The following PLCB1 variants were observed in gnomAD, a reference collection of about 807,000 sequenced individuals.
The protein encoded by PLCB1 is 1-phosphatidylinositol 4,5-bisphosphate phosphodiesterase beta-1.
Under a neutral mutation model 161.8 loss-of-function variants are expected in PLCB1, and 46 were observed. That is an observed-to-expected ratio of 0.28 (90% confidence interval 0.22 to 0.36). PLCB1 has a LOEUF of 0.36. Ranked by LOEUF, PLCB1 falls within the 10% of genes least tolerant of loss-of-function variation. The pLI, the probability that PLCB1 is intolerant of heterozygous loss-of-function variation, is 1.00. For missense variants in PLCB1, 1,016 were observed against 1,472.5 expected, an observed-to-expected ratio of 0.69 and a Z score of 5.07; for synonymous variants, 517 against 503.7, an observed-to-expected ratio of 1.03 and a Z score of -0.35.
intron 7 of PLCB1, chr20:8,653,608 A>C (rs896896524): frequency 1.3e-5 from 2 of 152,020 alleles, no homozygotes; most frequent in Non-Finnish European, 2.9e-5. Context: ...GACTTTATTC[A>C]TTAGAGTCTG....
intron 2 of PLCB1, among the ~76,000 whole-genome samples, chr20:8,168,012 T>C (rs549048532): frequency 6.6e-6 from 1 of 152,282 alleles, no homozygotes; most frequent in East Asian, 1.9e-4. Flanking sequence ...CTGACTTGTA[T>C]CTGTCCCATG....
intron 3 of PLCB1, among the ~76,000 whole-genome samples, chr20:8,535,400 G>T (rs1411934335): frequency 6.6e-6 from 1 of 151,984 alleles, no homozygotes; most frequent in Non-Finnish European, 1.5e-5. Flanking sequence ...GAAAATTTAG[G>T]AGTATACATT....
intron 6 of PLCB1, among the ~76,000 whole-genome samples, chr20:8,649,036 C>T (rs1989241796): frequency 6.6e-6 from 1 of 151,586 alleles, no homozygotes; most frequent in Non-Finnish European, 1.5e-5. Context: ...CAATGTACAC[C>T]TTGGGGCAAT....
At chr20:8,514,854 T>G (rs1015690467) in intron 3 of PLCB1, among the ~76,000 whole-genome samples, 5 of 152,216 alleles carry the variant, frequency 3.3e-5, no homozygotes, top group African/African-American at 1.2e-4. Flanking sequence ...CTTCTGAAAC[T>G]TTAATAGTCA....
chr20:8,577,177 C>G (rs528181967), intron 3 of PLCB1, among the ~76,000 whole-genome samples: 4 of 152,172 alleles, frequency 2.6e-5, no homozygotes, highest in Admixed American at 2.6e-4. Flanking sequence ...AGCCTGTAAT[C>G]CCAGCACTTT....
intron 3 of PLCB1, among the ~76,000 whole-genome samples, chr20:8,400,969 G>A (rs1003151507): frequency 8.5e-5 from 13 of 152,096 alleles, no homozygotes; most frequent in African/African-American, 2.9e-4. Context: ...ATGGCTCAGC[G>A]AAGAGATTAT....
intron 2 of PLCB1, among the ~76,000 whole-genome samples, chr20:8,327,862 ATATATAT>A (rs1413818221): frequency 6.6e-6 from 1 of 151,982 alleles, no homozygotes; most frequent in African/African-American, 2.4e-5. Context: ...CTAACTACAA[ATATATAT>A]TATATAATGT....
Position 8,615,540 on chromosome 20 carries a change from C to A in PLCB1, c.247-12754C>A, listed in dbSNP as rs150876055. ...TTATTATCCACCTTCTGAGATTTAT[C>A]CAAAATGTGTCACCTCTCTTTGAAT... On this transcript the variant is annotated intron_variant, in intron 3 of 31. Coordinates refer to ENST00000338037, the MANE Select transcript of PLCB1 (RefSeq NM_015192.4). Among the ~76,000 whole-genome samples the A allele has an allele frequency of 7.4e-3, 1,131 of 152,250 alleles. 19 individuals carry two copies. Among genetic ancestry groups the A allele is most frequent in the African/African-American group, 0.026 (1,089 of 41,558 alleles).
intron 3 of PLCB1, among the ~76,000 whole-genome samples, chr20:8,428,920 G>A (rs936615174): frequency 6.6e-6 from 1 of 152,160 alleles, no homozygotes; most frequent in Non-Finnish European, 1.5e-5. Flanking sequence ...GCTATCCCAT[G>A]GCAGTTAATA....
In PLCB1 at chr20:8,792,114, G is replaced by A. The variant is rs6108191; in HGVS notation, c.3423+1853G>A. The A allele has an allele frequency of 0.23, 35,605 of 153,076 alleles. 4,982 individuals are homozygous for A. Among genetic ancestry groups the A allele is most frequent in the Non-Finnish European group, 0.32 (21,785 of 68,564 alleles). The allele number at this position is 153,076 out of a possible 1,614,324, so 9.5% of individuals were successfully genotyped here. On this transcript the variant is annotated intron_variant, in intron 31 of 31. Coordinates refer to ENST00000338037, the MANE Select transcript of PLCB1 (RefSeq NM_015192.4). ...AGACCGTGAACTCAGTCATGAGATG[G>A]CTGCCCTAGCTCCACACATCATAAC...
At chr20:8,633,149 T>C (rs2327095) in intron 4 of PLCB1, among the ~76,000 whole-genome samples, 3 of 129,100 alleles carry the variant, frequency 2.3e-5, no homozygotes, top group African/African-American at 6.4e-5. Flanking sequence ...CACACACACA[T>C]ATTATAAAGA....
chr20:8,593,633 TTTG>T (rs1374685742), intron 3 of PLCB1, among the ~76,000 whole-genome samples: 1 of 152,160 alleles, frequency 6.6e-6, no homozygotes, highest in Non-Finnish European at 1.5e-5. Flanking sequence ...GCATTTTACT[TTTG>T]TTTTTATTAG....
chr20:8,808,419 A>G (rs1984649470), intron 31 of PLCB1, among the ~76,000 whole-genome samples: 1 of 152,150 alleles, frequency 6.6e-6, no homozygotes, highest in Middle Eastern at 3.2e-3. Flanking sequence ...CACCAGCCCC[A>G]TCAGATCAGG....
chr20:8,816,715 G>A (rs1349115357), intron 31 of PLCB1, among the ~76,000 whole-genome samples: 1 of 152,202 alleles, frequency 6.6e-6, no homozygotes, highest in African/African-American at 2.4e-5. Context: ...TGGGATTAGG[G>A]AGGTGGCCAA....
At chr20:8,877,466 A>G (rs1202972706) in intron 31 of PLCB1, among the ~76,000 whole-genome samples, 1 of 152,190 alleles carries the variant, frequency 6.6e-6, no homozygotes, top group East Asian at 1.9e-4. Flanking sequence ...TCAATATTTA[A>G]TCTGACAAGC....
chr20:8,649,356 G>A lies in PLCB1; in HGVS notation c.519-18G>A, dbSNP rs1056193925. 18 of 1,599,894 alleles carry A rather than the reference G, an allele frequency of 1.1e-5. No individual in the cohort carries two copies. The highest frequency in any genetic ancestry group is 1.4e-5 in the Non-Finnish European group (16 of 1,167,362). On this transcript the variant is annotated intron_variant, in intron 6 of 31. Transcript: ENST00000338037. Reference sequence around the variant, plus strand: ...TGTGCCATTTAAACCTCTCTCCTTTGTTGTGTTCACTTCACAGCATATATC... The same window carrying A: ...TGTGCCATTTAAACCTCTCTCCTTTATTGTGTTCACTTCACAGCATATATC...
At chr20:8,392,220 C>T (rs1987631548) in intron 3 of PLCB1, among the ~76,000 whole-genome samples, 1 of 152,038 alleles carries the variant, frequency 6.6e-6, no homozygotes, top group Admixed American at 6.6e-5. Context: ...AGATTTCACT[C>T]AAGGTTCAGT....
At chr20:8,384,736 T>C (rs1331259075) in intron 3 of PLCB1, among the ~76,000 whole-genome samples, 1 of 152,144 alleles carries the variant, frequency 6.6e-6, no homozygotes, top group East Asian at 1.9e-4. Context: ...GATACTGTTG[T>C]TGTTGCTTTC....
intron 3 of PLCB1, among the ~76,000 whole-genome samples, chr20:8,528,520 T>C (rs1189419355): frequency 6.6e-6 from 1 of 152,036 alleles, no homozygotes; most frequent in Non-Finnish European, 1.5e-5. Context: ...AGAACAGTGA[T>C]TTACCTCTAG....
Sources: allele counts gnomAD v4.1 joint callset (sites outside exome capture counted in the v4.1 genomes callset), GRCh38; gene constraint gnomAD v4.1.1; transcripts MANE v1.5; gene names NCBI Gene and HGNC (gene_info 2026-07-23, HGNC 2026-07-21).